The following RRAS variants were observed in gnomAD, a reference collection of about 807,000 sequenced individuals.
RRAS encodes ras-related protein R-Ras.
In RRAS, 18 loss-of-function variants were observed where a neutral mutation model predicts 23.3. The observed-to-expected ratio is 0.77, with a 90% CI of 0.53 to 1.15. RRAS has a LOEUF of 1.15. RRAS is among the 50% of genes most tolerant of loss of function. The pLI, the probability that RRAS is intolerant of heterozygous loss-of-function variation, is 0.00. For synonymous variants in RRAS, 133 were observed against 138.3 expected, an observed-to-expected ratio of 0.96 and a Z score of 0.27; for missense variants, 291 against 317.1, an observed-to-expected ratio of 0.92 and a Z score of 0.62.
chr19:49,639,643 G>A (rs1199312708), intron 1 of RRAS, among the ~76,000 whole-genome samples: 1 of 151,718 alleles, frequency 6.6e-6, no homozygotes, highest in Non-Finnish European at 1.5e-5. Context: ...AATGGGGTGA[G>A]TATTTTGTAT....
In RRAS at chr19:49,636,282, G is replaced by C. The variant is rs1215298755; in HGVS notation, c.453+337C>G. Among the ~76,000 whole-genome samples the C allele has an allele frequency of 1.3e-5, 2 of 152,122 alleles. No individual in the cohort carries two copies. Among genetic ancestry groups the C allele is most frequent in the Non-Finnish European group, 2.9e-5 (2 of 68,016 alleles). ...TGGGGAGGAACTGGGGAGCCATGGA[G>C]GGGGCCGGCCATGAGCAGGGGAGGT... On this transcript the variant is annotated intron_variant, in intron 4 of 5. Coordinates refer to ENST00000246792, the MANE Select transcript of RRAS (RefSeq NM_006270.5). This position sits in a 1 kb window ranked among gnomAD's most constrained non-coding sequence, Gnocchi z 4.5.
chr19:49,636,445 G>A lies in RRAS; in HGVS notation c.453+174C>T, dbSNP rs951168110. Among the ~76,000 whole-genome samples the A allele has an allele frequency of 1.3e-5, 2 of 152,134 alleles. No homozygotes were observed. The highest frequency in any genetic ancestry group is 2.4e-5 in the African/African-American group (1 of 41,418). On this transcript the variant is annotated intron_variant, in intron 4 of 5. Coordinates refer to ENST00000246792, the MANE Select transcript of RRAS (RefSeq NM_006270.5). The surrounding 1 kb of genome is among the most constrained non-coding windows in gnomAD (Gnocchi z 4.5). The stretch of plus-strand genomic sequence containing the variant: ...CACTTGCATGCTAGGCCCTCTGCTC[G>A]GTGATGCCGGGGACCCTGAAGGTCC...
In RRAS at chr19:49,635,664, T is replaced by G. The variant is rs901398553; in HGVS notation, c.573-4A>C. 6.8e-6 allele frequency: 10 copies of G among 1,468,444 alleles called. No homozygotes were observed. Among genetic ancestry groups the G allele is most frequent in the African/African-American group, 1.4e-5 (1 of 70,004 alleles). The allele number at this position is 1,468,444 out of a possible 1,614,324, so 91.0% of individuals were successfully genotyped here. ...GAGCTCTTGTTCCTGGTATTTCCTG[T>G]GGGAAAACGCCAGTGAGTTTGGAGT... On this transcript the variant is annotated splice_polypyrimidine_tract_variant and splice_region_variant and intron_variant, in intron 5 of 5. Transcript: ENST00000246792.
At chr19:49,639,815 A>G in intron 1 of RRAS, 131 bp downstream of exon 1, 1 of 705,404 alleles carries the variant, frequency 1.4e-6, no homozygotes, top group Admixed American at 3.6e-5. Flanking sequence ...ATCTGTGGGG[A>G]TCTTTTAAGA....
rs545590893 is a variant in RRAS at position 49,636,752 on chromosome 19, G to A, written c.345-25C>T. 2.5e-6 allele frequency: 4 copies of A among 1,611,274 alleles called. No homozygotes were observed. The East Asian group carries it at 8.9e-5, about 36-fold the overall frequency. On this transcript the variant is annotated intron_variant, in intron 3 of 5. Coordinates refer to ENST00000246792, the MANE Select transcript of RRAS (RefSeq NM_006270.5). The surrounding 1 kb of genome is among the most constrained non-coding windows in gnomAD (Gnocchi z 4.5). Reference sequence around the variant, plus strand: ...ACTGCGAGTGAAGCCGGAGGCATGAGGTCCAGCCAGCTGCAGAGCCCAGGT... The same window carrying A: ...ACTGCGAGTGAAGCCGGAGGCATGAAGTCCAGCCAGCTGCAGAGCCCAGGT...
chr19:49,637,289 G>A (rs1477863054), intron 1 of RRAS, among the ~76,000 whole-genome samples, 159 bp from the exon 2 acceptor site: 2 of 139,464 alleles, frequency 1.4e-5, no homozygotes, highest in Non-Finnish European at 3.1e-5. Context: ...TGTCCCGTCT[G>A]TCTCTCTGAG....
rs774784107 is a variant in RRAS, at chr19:49,635,730, T to C, written c.572+4A>G. The C allele has an allele frequency of 1.3e-6, 2 of 1,564,064 alleles. No homozygotes were observed. The highest frequency in any genetic ancestry group is 1.7e-6 in the Non-Finnish European group (2 of 1,143,122). On this transcript the variant is annotated splice_donor_region_variant and intron_variant, in intron 5 of 5. Transcript: ENST00000246792. ...AAGGACGACAGGAAGGGGACTTGGC[T>C]CACCGGACAGCCCGCACCAGCTGCT...
intron 1 of RRAS, among the ~76,000 whole-genome samples, chr19:49,638,090 C>T (rs907267432): frequency 3.9e-5 from 6 of 151,976 alleles, no homozygotes; most frequent in African/African-American, 1.2e-4. Context: ...CCTCCTCCCC[C>T]GTCTCCTCCT....
intron 1 of RRAS, among the ~76,000 whole-genome samples, chr19:49,639,250 C>T (rs1479122979): frequency 1.3e-5 from 2 of 151,840 alleles, no homozygotes; most frequent in African/African-American, 4.8e-5. Context: ...ATGGTGAAAC[C>T]CCGTCTCTAC....
rs1437320392 is a variant in RRAS, at chr19:49,636,914, G to A, written c.254C>T (p.Ala85Val). The A allele has an allele frequency of 1.2e-5, 19 of 1,613,038 alleles. No individual in the cohort carries two copies. Among genetic ancestry groups the A allele is most frequent in the African/African-American group, 2.7e-5 (2 of 74,906 alleles). The change falls in exon 3 of 6, where the codon GCG (alanine) becomes GTG (valine). Residue 85 changes from alanine to valine, a missense_variant. Ala to Val is a moderately conservative substitution (Grantham distance 64, BLOSUM62 0). Transcript: ENST00000246792. This position sits in a 1 kb window ranked among gnomAD's most constrained non-coding sequence, Gnocchi z 4.5. ...IPARLDILDT[A>V]GQEEFGAMRE... ...CATGGCCCCGAACTCTTCCTGGCCCGCGGTGTCCAGGACTGCAGAGACAGG... is the reference window on the plus strand; with the variant it reads ...CATGGCCCCGAACTCTTCCTGGCCCACGGTGTCCAGGACTGCAGAGACAGG...
intron 1 of RRAS, among the ~76,000 whole-genome samples, chr19:49,637,976 G>A (rs940598575): frequency 3.7e-4 from 57 of 152,196 alleles, no homozygotes; most frequent in Non-Finnish European, 7.8e-4. Context: ...GGCAAGATTC[G>A]GAGCAAAACC....
intron 1 of RRAS, among the ~76,000 whole-genome samples, chr19:49,638,319 G>A (rs1158469287): frequency 1.3e-5 from 2 of 152,174 alleles, no homozygotes; most frequent in Admixed American, 6.5e-5. Flanking sequence ...CACAAGCAGG[G>A]CTTCCTCCCA....
Position 49,635,853 on chromosome 19 carries a change from CT to C in RRAS, c.454-2del. ...AGGCAGAGGCTTCTGATCGGGGGAC[CT>C]GGGGGTAGGGGGGACACGGGGGAGT... On this transcript the variant is annotated splice_acceptor_variant, in intron 4 of 5. Coordinates refer to ENST00000246792, the MANE Select transcript of RRAS (RefSeq NM_006270.5). LOFTEE classifies it high-confidence loss of function. 5.4e-6 allele frequency: 3 copies of C among 558,738 alleles called. No homozygotes were observed. Among genetic ancestry groups the C allele is most frequent in the Non-Finnish European group, 6.1e-6 (2 of 330,508 alleles). The allele number at this position is 558,738 out of a possible 1,614,324, so 34.6% of individuals were successfully genotyped here. A position where few individuals can be genotyped will look rare whatever the true frequency, so the allele number is the denominator to read the frequency against.
intron 1 of RRAS, among the ~76,000 whole-genome samples, chr19:49,638,820 A>AT (rs1184143912): frequency 1.3e-5 from 2 of 151,462 alleles, no homozygotes; most frequent in African/African-American, 4.9e-5. Context: ...GGCTTCTTCC[A>AT]TGGAGATGAT....
At position 49,637,042 on chromosome 19, in the gene RRAS, C is replaced by T; in HGVS notation, c.241+1G>A. ...CCATCATCCATCCTTGCCGCCCTCACTGTCCAGCCGGGCTGGGATGCCATC... is the reference window on the plus strand; with the variant it reads ...CCATCATCCATCCTTGCCGCCCTCATTGTCCAGCCGGGCTGGGATGCCATC... On this transcript the variant is annotated splice_donor_variant, in intron 2 of 5. Transcript: ENST00000246792. LOFTEE classifies it high-confidence loss of function. 1.2e-6 allele frequency: 2 copies of T among 1,613,610 alleles called. No homozygotes were observed. Among genetic ancestry groups the T allele is most frequent in the Non-Finnish European group, 1.7e-6 (2 of 1,179,838 alleles).
chr19:49,636,706 G>T lies in RRAS; in HGVS notation c.366C>A (p.Leu122=), dbSNP rs1448242725. ...DRQSFNEVGK[L]FTQILRVKDR... is the part of the protein sequence containing the mutation. Reference sequence around the variant, plus strand: ...CCTTGACCCGCAGAATCTGCGTGAAGAGCTTGCCCACCTCGTTGAAACTGC... The same window carrying T: ...CCTTGACCCGCAGAATCTGCGTGAATAGCTTGCCCACCTCGTTGAAACTGC... The change falls in exon 4 of 6, where the codon CTC becomes CTA. Residue 122 remains leucine, a synonymous_variant. Transcript: ENST00000246792. The surrounding 1 kb of genome is among the most constrained non-coding windows in gnomAD (Gnocchi z 4.5). 1 of 1,614,142 alleles carries T rather than the reference G, an allele frequency of 6.2e-7. No homozygotes were observed. Among genetic ancestry groups the T allele is most frequent in the East Asian group, 2.2e-5 (1 of 44,888 alleles).
In RRAS at chr19:49,636,199, G is replaced by C. The variant is rs983814679; in HGVS notation, c.454-347C>G. 5.3e-5 allele frequency among the ~76,000 whole-genome samples: 8 copies of C among 152,066 alleles called. No individual in the cohort carries two copies. The highest frequency in any genetic ancestry group is 1.9e-4 in the African/African-American group (8 of 41,384). ...ATGAGTTCTGTGTGGAAATCGTTGT[G>C]GGGGAAGTGATGGGAGCAGGGAAAG... On this transcript the variant is annotated intron_variant, in intron 4 of 5. Transcript: ENST00000246792. This position sits in a 1 kb window ranked among gnomAD's most constrained non-coding sequence, Gnocchi z 4.5.
chr19:49,637,001 C>T (rs759443477), intron 2 of RRAS, 42 bp downstream of exon 2: 10 of 1,608,734 alleles, frequency 6.2e-6, no homozygotes, highest in Non-Finnish European at 6.8e-6. Context: ...TCAGCCCCCA[C>T]TGACACCACC....
intron 1 of RRAS, among the ~76,000 whole-genome samples, chr19:49,639,192 G>T (rs944990381): frequency 6.6e-6 from 1 of 152,064 alleles, no homozygotes; most frequent in South Asian, 2.1e-4. Context: ...CACTTTGGGA[G>T]TCCAAGGCAG....
Sources: gnomAD v4.1 joint callset for allele counts (sites outside exome capture counted in the v4.1 genomes callset) on GRCh38, gnomAD v4.1.1 for gene constraint, Gnocchi (gnomAD v3.1) non-coding constraint, MANE v1.5 for transcripts, NCBI Gene and HGNC (gene_info 2026-07-23, HGNC 2026-07-21) for gene names.